Variants in LUZP2 observed in about 807,000 individuals in gnomAD.
LUZP2 encodes the protein leucine zipper protein 2.
In LUZP2, 52 loss-of-function variants were observed where a neutral mutation model predicts 51.6. The observed-to-expected ratio is 1.01, with a 90% CI of 0.81 to 1.27. LUZP2 has a LOEUF of 1.27. LUZP2 is among the 50% of genes most tolerant of loss of function. LUZP2 has a pLI of 0.00. For synonymous variants in LUZP2, 154 were observed against 137.3 expected (o/e 1.12, Z -0.85); for missense variants, 436 against 395.4 (o/e 1.10, Z -0.87).
chr11:25,044,394 G>A (rs1369719559), intron 9 of LUZP2, among the ~76,000 whole-genome samples: 1 of 150,960 alleles, frequency 6.6e-6, no homozygotes, highest in African/African-American at 2.4e-5. Flanking sequence ...TCATTCTGGT[G>A]TTAATTAATC....
intron 1 of LUZP2, among the ~76,000 whole-genome samples, chr11:24,596,947 A>G (rs1400055082): frequency 2.0e-5 from 3 of 152,166 alleles, no homozygotes; most frequent in Admixed American, 6.5e-5. Flanking sequence ...AAATATGAAG[A>G]GGTTATGTCC....
intron 1 of LUZP2, among the ~76,000 whole-genome samples, chr11:24,590,498 G>T (rs1853221981): frequency 6.6e-6 from 1 of 152,066 alleles, no homozygotes; most frequent in South Asian, 2.1e-4. Context: ...TTTATTAGTG[G>T]TTTTAATTGA....
At chr11:24,875,996 G>T (rs1852248687) in intron 5 of LUZP2, among the ~76,000 whole-genome samples, 1 of 151,894 alleles carries the variant, frequency 6.6e-6, no homozygotes, top group Non-Finnish European at 1.5e-5. Context: ...GTAGATTCTG[G>T]ATATTGGCCC....
intron 1 of LUZP2, among the ~76,000 whole-genome samples, chr11:24,559,944 G>T (rs11028013): frequency 0.15 from 23,294 of 151,990 alleles, 1,953 homozygotes; most frequent in African/African-American, 0.2. Flanking sequence ...TCTTTAGGGA[G>T]GTAGATAAAT....
intron 1 of LUZP2, among the ~76,000 whole-genome samples, chr11:24,512,129 G>A (rs540553539): frequency 2.0e-4 from 30 of 152,292 alleles, no homozygotes; most frequent in African/African-American, 7.2e-4. Context: ...TGTATATTGG[G>A]CTGAACAGGG....
At chr11:24,715,212 A>G (rs1400501449) in intron 1 of LUZP2, among the ~76,000 whole-genome samples, 2 of 151,582 alleles carry the variant, frequency 1.3e-5, no homozygotes, top group African/African-American at 2.4e-5. Flanking sequence ...GTCATTTTAT[A>G]TAAGGCACTT....
At chr11:24,687,249 TA>T (rs5790427) in intron 1 of LUZP2, among the ~76,000 whole-genome samples, 151,988 of 152,020 alleles carry the variant, frequency 1, 75,978 homozygotes, top group Middle Eastern at 1. Context: ...TGTGACAAAA[TA>T]AAAAAAAAAT....
chr11:24,994,199 T>A, intron 9 of LUZP2, among the ~76,000 whole-genome samples: 1 of 149,842 alleles, frequency 6.7e-6, no homozygotes, highest in South Asian at 2.1e-4. Context: ...TATTGCTATG[T>A]TTAATAAGAC....
intron 5 of LUZP2, among the ~76,000 whole-genome samples, chr11:24,858,178 G>A (rs1851627465): frequency 6.6e-6 from 1 of 152,082 alleles, no homozygotes; most frequent in African/African-American, 2.4e-5. Context: ...TCATTCTTCA[G>A]GGGTAATTGT....
chr11:24,516,851 T>C (rs1433496502), intron 1 of LUZP2, among the ~76,000 whole-genome samples: 11 of 152,216 alleles, frequency 7.2e-5, no homozygotes, highest in Non-Finnish European at 1.5e-5. Flanking sequence ...ATGTGACTTA[T>C]GTCCCATAAT....
At chr11:24,969,931 T>C (rs1033345312) in intron 7 of LUZP2, among the ~76,000 whole-genome samples, 1 of 152,126 alleles carries the variant, frequency 6.6e-6, no homozygotes, top group Non-Finnish European at 1.5e-5. Flanking sequence ...CACACACGCA[T>C]ACACTTTCTC....
intron 5 of LUZP2, among the ~76,000 whole-genome samples, chr11:24,883,648 G>A (rs1010550703): frequency 2.2e-4 from 33 of 152,072 alleles, no homozygotes; most frequent in African/African-American, 7.9e-4. Context: ...CAATAAGTTA[G>A]GTCTAAATTT....
intron 1 of LUZP2, among the ~76,000 whole-genome samples, chr11:24,532,053 A>C (rs1291866761): frequency 1.3e-5 from 2 of 150,950 alleles, no homozygotes; most frequent in African/African-American, 4.8e-5. Flanking sequence ...CAATCAGGGC[A>C]GGAAAGAAAA....
intron 1 of LUZP2, among the ~76,000 whole-genome samples, chr11:24,677,419 T>A (rs1390234631): frequency 6.6e-6 from 1 of 152,236 alleles, no homozygotes; most frequent in Non-Finnish European, 1.5e-5. Context: ...TGTCTTCGTG[T>A]AGGTATGGTA....
At chr11:24,840,355 G>A (rs756732591) in intron 5 of LUZP2, among the ~76,000 whole-genome samples, 14 of 151,780 alleles carry the variant, frequency 9.2e-5, no homozygotes, top group Non-Finnish European at 1.6e-4. Context: ...CATTTGACAC[G>A]TACCAGATGG....
At chr11:25,003,290 T>C (rs1266007188) in intron 9 of LUZP2, among the ~76,000 whole-genome samples, 1 of 152,182 alleles carries the variant, frequency 6.6e-6, no homozygotes. Flanking sequence ...CCCTAAACCC[T>C]TGGGGCAAGA....
At chr11:24,919,861 A>T (rs1324379122) in intron 7 of LUZP2, among the ~76,000 whole-genome samples, 3 of 151,492 alleles carry the variant, frequency 2.0e-5, no homozygotes, top group East Asian at 1.9e-4. Context: ...TCAGTACAAT[A>T]ATAACAAGAG....
chr11:24,895,626 T>C (rs1197526049), intron 5 of LUZP2, among the ~76,000 whole-genome samples: 9 of 152,258 alleles, frequency 5.9e-5, no homozygotes, highest in African/African-American at 2.2e-4. Context: ...TGATTTTCTG[T>C]TCCTGTGTTT....
At chr11:24,622,766 G>C (rs899055540) in intron 1 of LUZP2, among the ~76,000 whole-genome samples, 4 of 152,060 alleles carry the variant, frequency 2.6e-5, no homozygotes, top group African/African-American at 9.7e-5. Flanking sequence ...TTTGAAGACG[G>C]AGTTTGGAAA....
Sources: allele counts gnomAD v4.1 joint callset (sites outside exome capture counted in the v4.1 genomes callset), GRCh38; gene constraint gnomAD v4.1.1; transcripts MANE v1.5; gene names NCBI Gene and HGNC (gene_info 2026-07-23, HGNC 2026-07-21).